The following EFNA5 variants were observed in gnomAD, a reference collection of about 807,000 sequenced individuals.
EFNA5 encodes ephrin A5.
EFNA5 carries 5 observed loss-of-function variants against 22.9 expected under a neutral mutation model. That is an observed-to-expected ratio of 0.22 (90% CI 0.11 to 0.46). The LOEUF is 0.46. Ranked by LOEUF, EFNA5 falls within the 20% of genes least tolerant of loss-of-function variation. The pLI, the probability that EFNA5 is intolerant of heterozygous loss-of-function variation, is 0.99. For synonymous variants in EFNA5, 113 were observed against 112.2 expected (o/e 1.01, Z -0.04); for missense variants, 237 against 293.3 (o/e 0.81, Z 1.40).
intron 2 of EFNA5, among the ~76,000 whole-genome samples, chr5:107,402,385 G>A (rs1031175456): frequency 2.0e-5 from 3 of 152,148 alleles, no homozygotes; most frequent in African/African-American, 7.2e-5. Flanking sequence ...AGGTAAATAT[G>A]ATTAGTAATT....
intron 1 of EFNA5, among the ~76,000 whole-genome samples, chr5:107,529,434 C>T (rs1289567205): frequency 6.6e-6 from 1 of 152,114 alleles, no homozygotes; most frequent in Non-Finnish European, 1.5e-5. Context: ...ACCATGCCTG[C>T]ACACTGTCCA....
chr5:107,442,584 T>C (rs573561986), intron 1 of EFNA5, among the ~76,000 whole-genome samples: 8 of 152,304 alleles, frequency 5.3e-5, no homozygotes, highest in African/African-American at 1.9e-4. Flanking sequence ...GCATTAGCAA[T>C]TTCCAGCTGA....
intron 1 of EFNA5, among the ~76,000 whole-genome samples, chr5:107,651,637 C>A (rs570649256): frequency 5.4e-5 from 8 of 147,036 alleles, no homozygotes; most frequent in African/African-American, 2.0e-4. Flanking sequence ...ATTAGACTTT[C>A]GCTAATGATT....
At chr5:107,511,118 C>CCAGGTT (rs1347552880) in intron 1 of EFNA5, among the ~76,000 whole-genome samples, 7 of 150,956 alleles carry the variant, frequency 4.6e-5, no homozygotes, top group African/African-American at 1.7e-4. Flanking sequence ...CCTCTGCCTC[C>CCAGGTT]CAGGTTCAAG....
intron 1 of EFNA5, among the ~76,000 whole-genome samples, chr5:107,535,552 A>G (rs539013191): frequency 6.6e-6 from 1 of 152,182 alleles, no homozygotes; most frequent in Admixed American, 6.5e-5. Context: ...AAATATATTT[A>G]CCTTTATTAT....
intron 1 of EFNA5, among the ~76,000 whole-genome samples, chr5:107,480,220 T>C (rs992794820): frequency 1.3e-5 from 2 of 152,250 alleles, no homozygotes; most frequent in Non-Finnish European, 2.9e-5. Context: ...TAATGAAATA[T>C]ATACTAATAC....
chr5:107,504,577 A>C (rs1385562051), intron 1 of EFNA5, among the ~76,000 whole-genome samples: 1 of 152,224 alleles, frequency 6.6e-6, no homozygotes, highest in African/African-American at 2.4e-5. Context: ...TAATGAAAAG[A>C]GCACAGACAG....
intron 1 of EFNA5, among the ~76,000 whole-genome samples, chr5:107,538,733 A>T (rs1462917559): frequency 2.0e-5 from 3 of 152,232 alleles, no homozygotes; most frequent in Admixed American, 6.5e-5. Context: ...TCAAGAAGAG[A>T]TAAAGTGGTT....
chr5:107,591,968 A>ATATATAT (rs1749360994), intron 1 of EFNA5, among the ~76,000 whole-genome samples: 1 of 23,718 alleles, frequency 4.2e-5, no homozygotes, highest in South Asian at 5.5e-4. Flanking sequence ...AATATATATA[A>ATATATAT]TATATATAAT....
chr5:107,665,250 A>C (rs182617485), intron 1 of EFNA5, among the ~76,000 whole-genome samples: 141 of 152,310 alleles, frequency 9.3e-4, no homozygotes, highest in African/African-American at 3.2e-3. Flanking sequence ...CAGGGGAGAA[A>C]AGGAGGCGCC....
chr5:107,569,099 C>A (rs889628282), intron 1 of EFNA5, among the ~76,000 whole-genome samples: 3 of 151,882 alleles, frequency 2.0e-5, no homozygotes, highest in Non-Finnish European at 2.9e-5. Flanking sequence ...AGCATATTAA[C>A]CCCCAGATGA....
chr5:107,552,290 A>C (rs1247585582), intron 1 of EFNA5, among the ~76,000 whole-genome samples: 2 of 152,194 alleles, frequency 1.3e-5, no homozygotes, highest in Non-Finnish European at 1.5e-5. Context: ...TGCCAATAAC[A>C]ATACTAAGAA....
At chr5:107,416,871 T>C (rs1268181461) in intron 2 of EFNA5, among the ~76,000 whole-genome samples, 2 of 152,160 alleles carry the variant, frequency 1.3e-5, no homozygotes, top group Non-Finnish European at 2.9e-5. Context: ...ATGAAGCAAG[T>C]ATGTCTGAAA....
intron 1 of EFNA5, among the ~76,000 whole-genome samples, chr5:107,451,599 GATGAATGA>G (rs540278873): frequency 6.6e-6 from 1 of 152,096 alleles, no homozygotes; most frequent in African/African-American, 2.4e-5. Flanking sequence ...ATGGTGAATA[GATGAATGA>G]ATGAATGAAT....
intron 1 of EFNA5, among the ~76,000 whole-genome samples, chr5:107,513,923 G>A (rs1394877478): frequency 6.6e-6 from 1 of 152,206 alleles, no homozygotes; most frequent in Non-Finnish European, 1.5e-5. Flanking sequence ...TGCGAGGTAG[G>A]CCTGGGTCAG....
chr5:107,381,193 G>T lies in EFNA5; in HGVS notation c.*62C>A. ...GTCCCTTCTTAGGATGAGCAGTTAG[G>T]TGGATCTCTGGTGTTCCAAGACCCT... On this transcript the variant is annotated 3_prime_UTR_variant, in exon 5 of 5. Coordinates refer to ENST00000333274, the MANE Select transcript of EFNA5 (RefSeq NM_001962.3). The T allele has an allele frequency of 1.3e-6, 2 of 1,549,594 alleles. No individual in the cohort carries two copies. Among genetic ancestry groups the T allele is most frequent in the Non-Finnish European group, 1.8e-6 (2 of 1,135,912 alleles).
At chr5:107,664,560 T>C (rs181092419) in intron 1 of EFNA5, among the ~76,000 whole-genome samples, 1 of 152,238 alleles carries the variant, frequency 6.6e-6, no homozygotes, top group Admixed American at 6.5e-5. Flanking sequence ...GATGTTTGGC[T>C]GTCTAAGACC....
At chr5:107,592,097 A>AAAT (rs2112505074) in intron 1 of EFNA5, among the ~76,000 whole-genome samples, 1 of 105,216 alleles carries the variant, frequency 9.5e-6, no homozygotes, top group Non-Finnish European at 1.8e-5. Context: ...TTTTAATAAA[A>AAAT]ATATATTTTA....
At chr5:107,425,350 T>C (rs1748783591) in intron 2 of EFNA5, among the ~76,000 whole-genome samples, 1 of 152,230 alleles carries the variant, frequency 6.6e-6, no homozygotes, top group Non-Finnish European at 1.5e-5. Context: ...TGCTGTTGTT[T>C]TTTTAATCTG....
Sources: allele counts gnomAD v4.1 joint callset (sites outside exome capture counted in the v4.1 genomes callset), GRCh38; gene constraint gnomAD v4.1.1; transcripts MANE v1.5; gene names NCBI Gene and HGNC (gene_info 2026-07-23, HGNC 2026-07-21).